MUC3A: variants seen among roughly 807,000 people sequenced by gnomAD.
The protein encoded by MUC3A is mucin-3A.
In MUC3A, 109 loss-of-function variants were observed where a neutral mutation model predicts 109.0. The ratio of observed to expected loss-of-function variants is 1.00; its 90% CI spans 0.86 to 1.17. The LOEUF (loss-of-function observed/expected upper bound fraction) is 1.17. MUC3A is among the 50% of genes most tolerant of loss of function. The pLI is 0.00. For missense variants in MUC3A, 3,537 were observed against 2,469.4 expected, an observed-to-expected ratio of 1.43 and a Z score of -9.16; for synonymous variants, 1,398 against 981.4, an observed-to-expected ratio of 1.42 and a Z score of -7.93.
Position 100,966,525 on chromosome 7 carries a change from C to A in MUC3A, c.9751C>A (p.Arg3251Ser). 1 of 1,321,234 alleles carries A rather than the reference C, an allele frequency of 7.6e-7. No homozygotes were observed. The highest frequency in any genetic ancestry group is 3.1e-5 in the East Asian group (1 of 32,652). 81.8% of individuals were successfully genotyped at this position (1,321,234 alleles called of 1,614,324 possible). The change falls in exon 9 of 12, where the codon CGC (arginine) becomes AGC (serine). Residue 3251 changes from arginine to serine, a missense_variant. By Grantham distance (110) the Arg-to-Ser change is moderately radical (BLOSUM62 -1). Transcript: ENST00000379458. ...GCTGGCGCTGGGCGTCCGGGCGGTG[C>A]GCTCCGGATGGTGGGGCGGCCAGCG... ...LLLALGVRAV[R>S]SGWWGGQRRG...
rs376985809 is a variant in MUC3A at position 100,959,411 on chromosome 7, C to T, written c.7632C>T (p.Thr2544=). Residue 2544 remains threonine (T), a synonymous_variant, in exon 2 of 12, where the codon ACC becomes ACT. Coordinates refer to ENST00000379458, the MANE Select transcript of MUC3A (RefSeq NM_005960.2). ...AAACCTCATCCCTTGTGGGCACCAC[C>T]TCTCCCACCATGTCCACTGTGAGAA... The part of the protein sequence containing the change: ...STETSSLVGT[T]SPTMSTVRMT... 2.6e-6 allele frequency: 4 copies of T among 1,536,210 alleles called. No homozygotes were observed. The highest frequency in any genetic ancestry group is 1.7e-4 in the Middle Eastern group (1 of 5,752).
At chr7:100,967,053 A>G (rs1792610289) in intron 11 of MUC3A, 68 bp from the exon 12 acceptor site, 3 of 1,598,370 alleles carry the variant, frequency 1.9e-6, no homozygotes, top group Non-Finnish European at 2.5e-6. Flanking sequence ...GGCTCGGATC[A>G]GCAGTGACCT....
At position 100,963,300 on chromosome 7, in the gene MUC3A, T is replaced by C. The variant is rs1233769468; in HGVS notation, c.9168+34T>C. ...CAAAGAGAGGGGATTTTTTTTTTTT[T>C]TTTGAGGTGTAGTCTCGCACTCTCA... is the stretch of plus-strand genomic sequence containing the variant. On this transcript the variant is annotated intron_variant, in intron 4 of 11. Transcript: ENST00000379458. 1.1e-5 allele frequency: 17 copies of C among 1,502,894 alleles called. No individual in the cohort carries two copies. In the African/African-American group the frequency reaches 1.4e-4, roughly 12 times the overall value. 93.1% of individuals were successfully genotyped at this position (1,502,894 alleles called of 1,614,324 possible). A position where few individuals can be genotyped will look rare whatever the true frequency, so the allele number is the denominator to read the frequency against.
chr7:100,958,975 C>G lies in MUC3A; in HGVS notation c.7196C>G (p.Thr2399Ser), dbSNP rs765009980. The G allele has an allele frequency of 3.9e-6, 6 of 1,541,102 alleles. No homozygotes were observed. Among genetic ancestry groups the G allele is most frequent in the Non-Finnish European group, 5.2e-6 (6 of 1,152,970 alleles). The part of the protein sequence containing the change: ...TPGLTSWVTT[T>S]KTTSHITPGL... ...GGCCTCACTTCGTGGGTCACCACCA[C>G]CAAGACCACCTCACACATTACTCCT... Residue 2399 changes from threonine (T) to serine (S), a missense_variant, in exon 2 of 12, where the codon ACC (threonine) becomes AGC (serine). By Grantham distance (58) the Thr-to-Ser change is moderately conservative (BLOSUM62 1). Transcript: ENST00000379458.
chr7:100,962,755 TTC>T (rs1792373713), intron 3 of MUC3A, among the ~76,000 whole-genome samples: 1 of 151,740 alleles, frequency 6.6e-6, no homozygotes, highest in Non-Finnish European at 1.5e-5. Flanking sequence ...ACACAATGCT[TTC>T]TCCCTTTCTT....
chr7:100,964,480 A>C, intron 5 of MUC3A: 1 of 701,360 alleles, frequency 1.4e-6, no homozygotes, highest in Non-Finnish European at 2.2e-6. Context: ...AGAGAGAGGA[A>C]GTCAATCATG....
At position 100,958,573 on chromosome 7, in the gene MUC3A, C is replaced by A. The variant is rs796624565; in HGVS notation, c.6794C>A (p.Thr2265Asn). The change falls in exon 2 of 12, where the codon ACC (threonine) becomes AAC (asparagine). Residue 2265 changes from threonine to asparagine, a missense_variant. Coordinates refer to ENST00000379458, the MANE Select transcript of MUC3A (RefSeq NM_005960.2). ...SFTSSITTTE[T>N]TSHDTPSFTS... ...ACTTCTTCGATCACCACCACTGAGA[C>A]CACCTCACATGATACTCCCAGCTTC... is the stretch of plus-strand genomic sequence containing the variant. 2 of 1,204,964 alleles carry A rather than the reference C, an allele frequency of 1.7e-6. No individual in the cohort carries two copies. Among genetic ancestry groups the A allele is most frequent in the Non-Finnish European group, 1.1e-6 (1 of 884,792 alleles). The allele number at this position is 1,204,964 out of a possible 1,614,324, so 74.6% of individuals were successfully genotyped here.
chr7:100,966,396 A>G lies in MUC3A; in HGVS notation c.9622A>G (p.Thr3208Ala). The change falls in exon 9 of 12, where the codon ACC (threonine) becomes GCC (alanine). Residue 3208 changes from threonine to alanine, a missense_variant. Thr to Ala is a moderately conservative substitution (Grantham distance 58, BLOSUM62 0). Transcript: ENST00000379458. ...TGCGATCTCCCGCAGCTGCTACTCCACCGACACGCACTGGTTCTCTGGCCC... is the reference window on the plus strand; with the variant it reads ...TGCGATCTCCCGCAGCTGCTACTCCGCCGACACGCACTGGTTCTCTGGCCC... ...TSGPTCRCYSTDTHWFSGPRC... is the reference protein window; with the variant it reads ...TSGPTCRCYSADTHWFSGPRC... 1.5e-6 allele frequency: 2 copies of G among 1,338,500 alleles called. No homozygotes were observed. The highest frequency in any genetic ancestry group is 1.9e-6 in the Non-Finnish European group (2 of 1,050,384). 82.9% of individuals were successfully genotyped at this position (1,338,500 alleles called of 1,614,324 possible).
Position 100,963,168 on chromosome 7 carries a change from G to A in MUC3A, c.9070G>A (p.Val3024Met), listed in dbSNP as rs1454580054. The A allele has an allele frequency of 1.9e-6, 3 of 1,598,188 alleles. No homozygotes were observed. The highest frequency in any genetic ancestry group is 2.5e-6 in the Non-Finnish European group (3 of 1,179,758). ...CTGTGTAGATGTAGTGGAGACCGAG[G>A]TGGGCATGGAAGTGTCTGTGGATCA... ...QVDLDVVETE[V>M]GMEVSVDQQF... The change falls in exon 4 of 12, where the codon GTG becomes ATG. Residue 3024 changes from valine to methionine, a missense_variant. Val to Met is a conservative substitution (Grantham distance 21). Transcript: ENST00000379458.
At position 100,952,544 on chromosome 7, in the gene MUC3A, C is replaced by T. The variant is rs73714234; in HGVS notation, c.765C>T (p.Ser255=). ...CTACTCTCAAAACAGCAGTGACTTC[C>T]ACTTCCCCCATCACTTCTTCAATCA... ...VFTTLKTAVT[S]TSPITSSITS... The change falls in exon 2 of 12, where the codon TCC becomes TCT. Residue 255 remains serine (S), a synonymous_variant. Coordinates refer to ENST00000379458, the MANE Select transcript of MUC3A (RefSeq NM_005960.2). 6.4e-7 allele frequency: 1 copy of T among 1,574,482 alleles called. No homozygotes were observed. The highest frequency in any genetic ancestry group is 8.6e-7 in the Non-Finnish European group (1 of 1,158,540).
rs78174903 is a variant in MUC3A at position 100,958,751 on chromosome 7, C to G, written c.6972C>G (p.Phe2324Leu). ...TETTSHSAHS[F>L]TSSITTTETT... ...CCACCTCACACAGTGCTCACAGCTTCACTTCTTCGATCACCACCACCGAGA... is the reference window on the plus strand; with the variant it reads ...CCACCTCACACAGTGCTCACAGCTTGACTTCTTCGATCACCACCACCGAGA... The change falls in exon 2 of 12, where the codon TTC (phenylalanine) becomes TTG (leucine). Residue 2324 changes from phenylalanine to leucine, a missense_variant. Coordinates refer to ENST00000379458, the MANE Select transcript of MUC3A (RefSeq NM_005960.2). 6.6e-7 allele frequency: 1 copy of G among 1,504,556 alleles called. No homozygotes were observed. The highest frequency in any genetic ancestry group is 9.0e-7 in the Non-Finnish European group (1 of 1,114,916). The allele number at this position is 1,504,556 out of a possible 1,614,324, so 93.2% of individuals were successfully genotyped here. A position where few individuals can be genotyped will look rare whatever the true frequency, so the allele number is the denominator to read the frequency against.
At position 100,958,139 on chromosome 7, in the gene MUC3A, C is replaced by G. The variant is rs1335484779; in HGVS notation, c.6360C>G (p.Pro2120=). The change falls in exon 2 of 12, where the codon CCC becomes CCG. Residue 2120 remains proline, a synonymous_variant. Transcript: ENST00000379458. Reference sequence around the variant, plus strand: ...CCTCAATCACCACCTCTGAGATGCCCTCACACAGTACTCCCAGCTTCACTT... The same window carrying G: ...CCTCAATCACCACCTCTGAGATGCCGTCACACAGTACTCCCAGCTTCACTT... ...FTSSITTSEM[P]SHSTPSFTSS... 4.9e-6 allele frequency: 2 copies of G among 406,848 alleles called. No homozygotes were observed. The highest frequency in any genetic ancestry group is 3.5e-6 in the Non-Finnish European group (1 of 284,956). 25.2% of individuals were successfully genotyped at this position (406,848 alleles called of 1,614,324 possible). A position where few individuals can be genotyped will look rare whatever the true frequency, so the allele number is the denominator to read the frequency against.
Position 100,958,136 on chromosome 7 carries a change from GCCCTC to G in MUC3A, c.6358_6362del (p.Pro2120ThrfsTer14). 1 of 245,902 alleles carries G rather than the reference GCCCTC, an allele frequency of 4.1e-6. No homozygotes were observed. The highest frequency in any genetic ancestry group is 7.3e-6 in the Non-Finnish European group (1 of 137,556). The allele number at this position is 245,902 out of a possible 1,614,324, so 15.2% of individuals were successfully genotyped here. A position where few individuals can be genotyped will look rare whatever the true frequency, so the allele number is the denominator to read the frequency against. ...CTTCCTCAATCACCACCTCTGAGAT[GCCCTC>G]ACACAGTACTCCCAGCTTCACTTCT... is the stretch of plus-strand genomic sequence containing the variant. On this transcript the variant is annotated frameshift_variant, in exon 2 of 12. Coordinates refer to ENST00000379458, the MANE Select transcript of MUC3A (RefSeq NM_005960.2). LOFTEE classifies it high-confidence loss of function.
rs762678050 is a variant in MUC3A at position 100,959,049 on chromosome 7, C to A, written c.7270C>A (p.Pro2424Thr). Reference protein sequence around the residue: ...TTTETTSHSTPGFTSSITTTE... With the variant: ...TTTETTSHSTTGFTSSITTTE... ...CACTGAGACTACCTCACACAGTACT[C>A]CTGGCTTCACTTCTTCAATCACCAC... is the stretch of plus-strand genomic sequence containing the variant. The change falls in exon 2 of 12, where the codon CCT becomes ACT. Residue 2424 changes from proline (P) to threonine (T), a missense_variant. Pro to Thr is a conservative substitution (Grantham distance 38, BLOSUM62 -1). Transcript: ENST00000379458. 6.5e-7 allele frequency: 1 copy of A among 1,537,366 alleles called. No homozygotes were observed.
chr7:100,966,806 G>A (rs1460252244), intron 10 of MUC3A, 63 bp downstream of exon 10: 2 of 1,598,172 alleles, frequency 1.3e-6, no homozygotes, highest in Non-Finnish European at 1.7e-6. Flanking sequence ...GAGGACAGAC[G>A]CCCTCCCTGC....
At chr7:100,950,620 C>T (rs1306769621) in intron 1 of MUC3A, among the ~76,000 whole-genome samples, 1 of 152,308 alleles carries the variant, frequency 6.6e-6, no homozygotes. Context: ...GGTAGCAGGT[C>T]GGGTACCTCC....
In MUC3A at chr7:100,952,441, C is replaced by G. The variant is rs1456682827; in HGVS notation, c.662C>G (p.Ser221Cys). 5.6e-6 allele frequency: 9 copies of G among 1,598,602 alleles called. No homozygotes were observed. In the South Asian group the frequency reaches 8.8e-5, roughly 16 times the overall value. ...TDTTFHTTIS[S>C]TTRTTERTPL... ...ACAACCTTCCACACTACAATCTCGT[C>G]TACAACTAGAACCACAGAAAGGACT... is the stretch of plus-strand genomic sequence containing the variant. The change falls in exon 2 of 12, where the codon TCT (serine) becomes TGT (cysteine). Residue 221 changes from serine to cysteine, a missense_variant. Coordinates refer to ENST00000379458, the MANE Select transcript of MUC3A (RefSeq NM_005960.2).
chr7:100,957,460 C>T lies in MUC3A; in HGVS notation c.5681C>T (p.Thr1894Ile). Residue 1894 changes from threonine to isoleucine, a missense_variant, in exon 2 of 12, where the codon ACC becomes ATC. Physicochemically the swap from Thr to Ile is moderately conservative, Grantham distance 89. Coordinates refer to ENST00000379458, the MANE Select transcript of MUC3A (RefSeq NM_005960.2). ...TATVPTTNLV[T>I]TTTKITSHST... Reference sequence around the variant, plus strand: ...ACAGTTCCAACAACAAACTTGGTAACCACGACCACCAAGATCACCTCACAC... The same window carrying T: ...ACAGTTCCAACAACAAACTTGGTAATCACGACCACCAAGATCACCTCACAC... The T allele has an allele frequency of 1.0e-6, 1 of 971,332 alleles. No individual in the cohort carries two copies. Among genetic ancestry groups the T allele is most frequent in the Non-Finnish European group, 1.2e-6 (1 of 809,206 alleles). The allele number at this position is 971,332 out of a possible 1,614,324, so 60.2% of individuals were successfully genotyped here.
intron 3 of MUC3A, among the ~76,000 whole-genome samples, chr7:100,962,833 C>CTT (rs370441264): frequency 1.0e-4 from 1 of 9,888 alleles, no homozygotes; most frequent in East Asian, 4.5e-3. Context: ...TTCTTTCTTT[C>CTT]TTTTTCTCTC....
Sources: gnomAD v4.1 joint callset for allele counts (sites outside exome capture counted in the v4.1 genomes callset) on GRCh38, gnomAD v4.1.1 for gene constraint, MANE v1.5 for transcripts, NCBI Gene and HGNC (gene_info 2026-07-23, HGNC 2026-07-21) for gene names.